Variants in IQCM observed in about 807,000 individuals in gnomAD.
The protein encoded by IQCM is IQ domain-containing protein M.
IQCM carries 45 observed loss-of-function variants against 57.6 expected under a neutral mutation model. The observed-to-expected ratio is 0.78, with a 90% CI of 0.62 to 1.00. The LOEUF is 1.00. IQCM is among the 50% of genes least tolerant of loss of function. The pLI is 0.00. For synonymous variants in IQCM, 148 were observed against 158.9 expected (o/e 0.93, Z 0.51); for missense variants, 468 against 511.6 (o/e 0.91, Z 0.82).
chr4:149,371,579 G>GTA (rs774366210), intron 13 of IQCM, among the ~76,000 whole-genome samples: 2 of 152,002 alleles, frequency 1.3e-5, no homozygotes, highest in Non-Finnish European at 2.9e-5. Context: ...GATTGTGTTG[G>GTA]TATCACTAGC....
chr4:149,360,266 A>G (rs1200638071), intron 13 of IQCM, among the ~76,000 whole-genome samples: 2 of 152,214 alleles, frequency 1.3e-5, no homozygotes, highest in South Asian at 2.1e-4. Context: ...AAAAAGCAAA[A>G]ATTAAAAAAT....
chr4:149,361,562 A>T (rs1235861725), intron 13 of IQCM, among the ~76,000 whole-genome samples: 2 of 152,222 alleles, frequency 1.3e-5, no homozygotes, highest in Non-Finnish European at 2.9e-5. Context: ...AAAGGGGCCA[A>T]CGTACAGCTC....
intron 5 of IQCM, among the ~76,000 whole-genome samples, chr4:149,713,638 T>C (rs1417271723): frequency 6.6e-6 from 1 of 152,162 alleles, no homozygotes; most frequent in Non-Finnish European, 1.5e-5. Flanking sequence ...CCTATTTCAT[T>C]GAGAAACTAG....
intron 5 of IQCM, among the ~76,000 whole-genome samples, chr4:149,696,442 T>C (rs1397212065): frequency 6.6e-6 from 1 of 152,142 alleles, no homozygotes; most frequent in Non-Finnish European, 1.5e-5. Flanking sequence ...GCCAGCCTTT[T>C]TGTTTATGTT....
intron 2 of IQCM, among the ~76,000 whole-genome samples, chr4:149,780,531 T>TTATATATATATATATATATATATA (rs371081838): frequency 1.4e-5 from 2 of 138,170 alleles, no homozygotes; most frequent in African/African-American, 5.0e-5. Flanking sequence ...AATATGTAAG[T>TTATATATATATATATATATATATA]TATATATATA....
chr4:149,475,894 G>A (rs1027783638), intron 12 of IQCM, among the ~76,000 whole-genome samples: 1 of 152,114 alleles, frequency 6.6e-6, no homozygotes, highest in Admixed American at 6.6e-5. Flanking sequence ...ATGAGGGACA[G>A]GGTAGGAAGG....
At chr4:149,545,224 A>C (rs1748270888) in intron 12 of IQCM, among the ~76,000 whole-genome samples, 1 of 152,170 alleles carries the variant, frequency 6.6e-6, no homozygotes, top group Non-Finnish European at 1.5e-5. Flanking sequence ...CTCAAACTAA[A>C]ATGCTTATGC....
chr4:149,631,577 T>C (rs1393524598), intron 7 of IQCM, among the ~76,000 whole-genome samples: 3 of 152,228 alleles, frequency 2.0e-5, no homozygotes, highest in Admixed American at 6.5e-5. Context: ...AAATCTCATA[T>C]ACCTTGTGCT....
intron 5 of IQCM, among the ~76,000 whole-genome samples, chr4:149,711,394 T>C (rs1005279563): frequency 6.6e-6 from 1 of 152,216 alleles, no homozygotes; most frequent in African/African-American, 2.4e-5. Context: ...ATCCTGGTTC[T>C]GCCATTTACT....
At position 149,588,004 on chromosome 4, in the gene IQCM, T is replaced by C; in HGVS notation, c.682-7A>G. 1 of 1,203,940 alleles carries C rather than the reference T, an allele frequency of 8.3e-7. No homozygotes were observed. The highest frequency in any genetic ancestry group is 1.0e-6 in the Non-Finnish European group (1 of 962,974). 74.6% of individuals were successfully genotyped at this position (1,203,940 alleles called of 1,614,324 possible). On this transcript the variant is annotated splice_region_variant and splice_polypyrimidine_tract_variant and intron_variant, in intron 8 of 13. Transcript: ENST00000636793. ...TAAGGGTTTTAAAGGTTTTCTATAA[T>C]AAGGAAAAGAAGAGTTGACATAAGT... is the stretch of plus-strand genomic sequence containing the variant.
intron 2 of IQCM, among the ~76,000 whole-genome samples, chr4:149,806,592 A>G (rs1027719396): frequency 6.6e-6 from 1 of 151,940 alleles, no homozygotes; most frequent in Non-Finnish European, 1.5e-5. Context: ...TTGTCTTTCT[A>G]TGCCTAGAAA....
At chr4:149,721,342 A>G (rs1033168695) in intron 5 of IQCM, among the ~76,000 whole-genome samples, 2 of 151,600 alleles carry the variant, frequency 1.3e-5, no homozygotes, top group Admixed American at 6.6e-5. Flanking sequence ...TTGGTTGCTT[A>G]ATTGAACTGT....
chr4:149,379,204 A>G (rs1209449270), intron 13 of IQCM, among the ~76,000 whole-genome samples: 1 of 152,204 alleles, frequency 6.6e-6, no homozygotes, highest in East Asian at 1.9e-4. Flanking sequence ...CTGCTAGGGC[A>G]GTGCAGTAGG....
chr4:149,783,059 T>C (rs1431365517), intron 2 of IQCM, among the ~76,000 whole-genome samples: 3 of 152,212 alleles, frequency 2.0e-5, no homozygotes, highest in Admixed American at 2.0e-4. Context: ...TGTCTGATGG[T>C]TCTTAAATGT....
intron 13 of IQCM, among the ~76,000 whole-genome samples, chr4:149,420,158 A>G (rs1734025767): frequency 6.6e-6 from 1 of 152,098 alleles, no homozygotes; most frequent in Non-Finnish European, 1.5e-5. Flanking sequence ...ACCCAAAGGA[A>G]TATAAATCAT....
intron 12 of IQCM, among the ~76,000 whole-genome samples, chr4:149,543,325 A>G (rs1285089530): frequency 2.0e-5 from 3 of 152,106 alleles, no homozygotes; most frequent in African/African-American, 7.2e-5. Flanking sequence ...TATATGTGGA[A>G]AATCTGGATT....
intron 7 of IQCM, among the ~76,000 whole-genome samples, chr4:149,633,999 CT>C (rs756035472): frequency 1.3e-5 from 2 of 151,818 alleles, no homozygotes; most frequent in Non-Finnish European, 2.9e-5. Context: ...TTTTCTTTTT[CT>C]TTTTTTTCTT....
At chr4:149,786,361 A>T (rs1353276237) in intron 2 of IQCM, among the ~76,000 whole-genome samples, 1 of 152,176 alleles carries the variant, frequency 6.6e-6, no homozygotes, top group East Asian at 1.9e-4. Context: ...AGAGGTCCAG[A>T]GATGTAAAAA....
At chr4:149,639,452 A>T in intron 7 of IQCM, among the ~76,000 whole-genome samples, 1 of 151,544 alleles carries the variant, frequency 6.6e-6, no homozygotes, top group African/African-American at 2.4e-5. Context: ...GAAGAAGAAG[A>T]AGAAGGAGAA....
Sources: gnomAD v4.1 joint callset for allele counts (sites outside exome capture counted in the v4.1 genomes callset) on GRCh38, gnomAD v4.1.1 for gene constraint, MANE v1.5 for transcripts, NCBI Gene and HGNC (gene_info 2026-07-23, HGNC 2026-07-21) for gene names.